Variants in NDUFAF6 observed in about 807,000 individuals in gnomAD.
NDUFAF6 encodes the protein NADH:ubiquinone oxidoreductase complex assembly factor 6.
NDUFAF6 carries 45 observed loss-of-function variants against 40.8 expected under a neutral mutation model. The ratio of observed to expected loss-of-function variants is 1.10; its 90% CI spans 0.87 to 1.42. The LOEUF (loss-of-function observed/expected upper bound fraction) is 1.42, where lower values mean the gene tolerates loss of function less well. NDUFAF6 is among the 40% of genes most tolerant of loss of function. The probability of loss-of-function intolerance (pLI) is 0.00; values close to 1 mark genes in which losing one functional copy is unlikely to be tolerated. For synonymous variants in NDUFAF6, 185 were observed against 155.9 expected (o/e 1.19, Z -1.39); for missense variants, 435 against 418.5 (o/e 1.04, Z -0.34).
At chr8:95,110,687 A>C (rs906456549) in intron 4 of NDUFAF6, among the ~76,000 whole-genome samples, 1 of 152,178 alleles carries the variant, frequency 6.6e-6, no homozygotes, top group African/African-American at 2.4e-5. Context: ...TTAAATTTTT[A>C]TGTTCTTCTG....
chr8:94,960,731 C>T (rs1453004551), intron 1 of NDUFAF6, among the ~76,000 whole-genome samples: 1 of 152,204 alleles, frequency 6.6e-6, no homozygotes, highest in East Asian at 1.9e-4. Context: ...TGGAAACCAC[C>T]TGTAGCAGCA....
intron 2 of NDUFAF6, among the ~76,000 whole-genome samples, chr8:94,998,104 CTT>C (rs1173415333): frequency 1.3e-5 from 2 of 152,042 alleles, no homozygotes; most frequent in African/African-American, 2.4e-5. Context: ...AATAAAGACT[CTT>C]TTAAAAAAAT....
chr8:95,105,027 T>G (rs1236359544), downstream of NDUFAF6, among the ~76,000 whole-genome samples: 1 of 135,220 alleles, frequency 7.4e-6, no homozygotes, highest in Non-Finnish European at 1.6e-5. Flanking sequence ...AGAGAAGCAA[T>G]GATGCTATGA....
chr8:95,074,085 G>T (rs577367023), intron 9 of NDUFAF6, among the ~76,000 whole-genome samples: 1 of 152,070 alleles, frequency 6.6e-6, no homozygotes, highest in Admixed American at 6.6e-5. Flanking sequence ...AGTGGGTAAG[G>T]GTTGGGATGG....
Position 95,046,951 on chromosome 8 carries a change from G to A in NDUFAF6, c.581-43G>A, listed in dbSNP as rs1383982323. 5 of 1,611,414 alleles carry A rather than the reference G, an allele frequency of 3.1e-6. No homozygotes were observed. The South Asian group carries it at 5.5e-5, about 18-fold the overall frequency. On this transcript the variant is annotated intron_variant, in intron 5 of 8. Transcript: ENST00000396124. Reference sequence around the variant, plus strand: ...TATGCTATTTCTATTGATTTATTATGCACTTAGAATAGAGCAGCCCTGTGT... The same window carrying A: ...TATGCTATTTCTATTGATTTATTATACACTTAGAATAGAGCAGCCCTGTGT...
upstream of NDUFAF6, among the ~76,000 whole-genome samples, chr8:95,095,480 G>A (rs1809426915): frequency 6.6e-6 from 1 of 152,144 alleles, no homozygotes; most frequent in South Asian, 2.1e-4. Context: ...CCAGGGTGGA[G>A]TGCAGGGGAA....
At chr8:95,035,293 C>A (rs1023489637) in intron 2 of NDUFAF6, among the ~76,000 whole-genome samples, 161 bp from the exon 3 acceptor site, 1 of 152,158 alleles carries the variant, frequency 6.6e-6, no homozygotes. Context: ...GTAAAATTCT[C>A]TCTTTGTTGT....
At chr8:94,898,990 A>G (rs1054682797) in intron 1 of NDUFAF6, among the ~76,000 whole-genome samples, 1 of 152,268 alleles carries the variant, frequency 6.6e-6, no homozygotes, top group Admixed American at 6.5e-5. Flanking sequence ...CAAGAAAGGA[A>G]TAAAACATTT....
intron 1 of NDUFAF6, among the ~76,000 whole-genome samples, chr8:94,900,414 T>C (rs1192883162): frequency 6.6e-6 from 1 of 152,058 alleles, no homozygotes; most frequent in East Asian, 1.9e-4. Flanking sequence ...CCAGGGAGTC[T>C]AGGTAGATGA....
At chr8:94,937,824 G>A (rs1586724543) in intron 1 of NDUFAF6, among the ~76,000 whole-genome samples, 1 of 151,998 alleles carries the variant, frequency 6.6e-6, no homozygotes, top group Non-Finnish European at 1.5e-5. Flanking sequence ...AACAACGAAT[G>A]CAGCTGTATT....
intron 1 of NDUFAF6, among the ~76,000 whole-genome samples, chr8:94,901,076 A>G (rs1183238231): frequency 6.6e-6 from 1 of 152,164 alleles, no homozygotes; most frequent in African/African-American, 2.4e-5. Context: ...AGGCCTCCTG[A>G]TGAGACATTT....
intron 2 of NDUFAF6, among the ~76,000 whole-genome samples, chr8:94,981,723 T>C (rs1825456373): frequency 6.6e-6 from 1 of 152,194 alleles, no homozygotes. Flanking sequence ...AGAGAATTTG[T>C]TGCCTTTTGA....
intron 2 of NDUFAF6, among the ~76,000 whole-genome samples, chr8:94,989,987 C>G (rs898203614): frequency 5.3e-5 from 8 of 152,212 alleles, no homozygotes; most frequent in African/African-American, 1.7e-4. Context: ...GCCTTGGCTT[C>G]TCAAAGTGCT....
chr8:95,052,877 T>C (rs760049991), intron 8 of NDUFAF6, among the ~76,000 whole-genome samples: 23 of 152,196 alleles, frequency 1.5e-4, no homozygotes, highest in Non-Finnish European at 2.9e-4. Flanking sequence ...TAAAACTACA[T>C]AGAGAAGTGA....
chr8:94,910,574 A>C (rs372033038), intron 1 of NDUFAF6, among the ~76,000 whole-genome samples: 1 of 151,920 alleles, frequency 6.6e-6, no homozygotes, highest in South Asian at 2.1e-4. Flanking sequence ...CACAGAATCT[A>C]AAAGAATCTT....
chr8:95,084,967 T>C (rs562570031), intron 2 of NDUFAF6, among the ~76,000 whole-genome samples: 1 of 152,338 alleles, frequency 6.6e-6, no homozygotes, highest in South Asian at 2.1e-4. Flanking sequence ...AAAATCTCTA[T>C]ACTAAAAACA....
chr8:95,064,962 C>A (rs949642688), intron 9 of NDUFAF6, among the ~76,000 whole-genome samples: 1 of 152,112 alleles, frequency 6.6e-6, no homozygotes, highest in East Asian at 1.9e-4. Flanking sequence ...CATAAAAGGC[C>A]AAGAGAACAG....
At chr8:95,054,583 C>G (rs1003000557) in intron 8 of NDUFAF6, among the ~76,000 whole-genome samples, 13 of 151,920 alleles carry the variant, frequency 8.6e-5, no homozygotes, top group African/African-American at 3.1e-4. Context: ...TACAGGCATG[C>G]GCCACCATGC....
chr8:95,078,662 A>AATATATATATATATATATATATAT (rs57127319), downstream of NDUFAF6: 2 of 121,046 alleles, frequency 1.7e-5, no homozygotes, highest in African/African-American at 6.6e-5. Context: ...AAAAAAAAAA[A>AATATATATATATATATATATATAT]ATATATATAT....
Sources: gnomAD v4.1 joint callset for allele counts (sites outside exome capture counted in the v4.1 genomes callset) on GRCh38, gnomAD v4.1.1 for gene constraint, MANE v1.5 for transcripts, NCBI Gene and HGNC (gene_info 2026-07-23, HGNC 2026-07-21) for gene names.